The following RBBP8 variants were observed in gnomAD, a reference collection of about 807,000 sequenced individuals.
RBBP8 encodes RB binding protein 8, endonuclease.
RBBP8 carries 88 observed loss-of-function variants against 108.3 expected under a neutral mutation model. That is an observed-to-expected ratio of 0.81 (90% CI 0.68 to 0.97). The LOEUF is 0.97. Among genes scored for constraint, RBBP8 ranks in the 50% least tolerant of loss-of-function variants. The probability of loss-of-function intolerance (pLI) is 0.00; values close to 1 mark genes in which losing one functional copy is unlikely to be tolerated. For synonymous variants in RBBP8, 332 were observed against 348.2 expected (o/e 0.95, Z 0.52); for missense variants, 1,023 against 1,049.0 (o/e 0.98, Z 0.34).
rs138808616 is a variant in RBBP8, at chr18:22,943,256, C to T, written c.110-3188C>T. On this transcript the variant is annotated intron_variant, in intron 2 of 18. Transcript: ENST00000327155. ...TCTGAGACCAGCCTGGACAACAAAG[C>T]GAGACCCTGTCTCTACAAAAAACAT... is the stretch of plus-strand genomic sequence containing the variant. Among the ~76,000 whole-genome samples the T allele has an allele frequency of 3.3e-3, 495 of 150,804 alleles. 4 individuals carry two copies. Among genetic ancestry groups the T allele is most frequent in the Admixed American group, 0.019 (284 of 15,200 alleles).
chr18:22,971,927 G>A (rs1296004078), intron 5 of RBBP8, among the ~76,000 whole-genome samples: 2 of 151,006 alleles, frequency 1.3e-5, no homozygotes, highest in Non-Finnish European at 2.9e-5. Context: ...TTACCGTTGT[G>A]AGCCACCGTG....
chr18:22,983,996 G>T (rs919148523), intron 7 of RBBP8, among the ~76,000 whole-genome samples: 1 of 152,152 alleles, frequency 6.6e-6, no homozygotes, highest in Non-Finnish European at 1.5e-5. Context: ...CAGGAGACTT[G>T]CTTGAACCCT....
chr18:23,019,369 G>A (rs567086907), intron 17 of RBBP8, among the ~76,000 whole-genome samples: 114 of 152,100 alleles, frequency 7.5e-4, no homozygotes, highest in Non-Finnish European at 1.5e-3. Context: ...AATTTACCTA[G>A]GAAGGTAAAT....
At chr18:22,938,814 G>A (rs1459910896) in intron 2 of RBBP8, among the ~76,000 whole-genome samples, 1 of 152,186 alleles carries the variant, frequency 6.6e-6, no homozygotes, top group Non-Finnish European at 1.5e-5. Flanking sequence ...AAATACAAAA[G>A]TGAATGGCCA....
At chr18:22,930,767 A>G (rs1055454075), upstream of RBBP8, among the ~76,000 whole-genome samples, 2 of 152,002 alleles carry the variant, frequency 1.3e-5, no homozygotes, top group African/African-American at 4.8e-5. Context: ...AACCTTTTTT[A>G]TTTTTTATTT....
Position 22,955,607 on chromosome 18 carries a change from T to C in RBBP8, c.248+5894T>C, listed in dbSNP as rs1316432181. Among the ~76,000 whole-genome samples, 13 of 150,816 alleles carry C rather than the reference T, an allele frequency of 8.6e-5. No homozygotes were observed. The East Asian group carries it at 2.6e-3, about 30-fold the overall frequency. On this transcript the variant is annotated intron_variant, in intron 4 of 18. Coordinates refer to ENST00000327155, the MANE Select transcript of RBBP8 (RefSeq NM_002894.3). ...TTTTTTTTTTTTTTGAGACAGAGTC[T>C]TGCTCTGTCACCCAGGCTGGAGTGC...
intron 17 of RBBP8, among the ~76,000 whole-genome samples, chr18:23,019,100 A>G (rs1276495844): frequency 6.6e-6 from 1 of 152,212 alleles, no homozygotes; most frequent in Non-Finnish European, 1.5e-5. Context: ...GCAAAAGCCT[A>G]TAATGTGAGT....
chr18:22,989,230 G>T lies in RBBP8; in HGVS notation c.719G>T (p.Gly240Val). 1 of 1,605,480 alleles carries T rather than the reference G, an allele frequency of 6.2e-7. No individual in the cohort carries two copies. The highest frequency in any genetic ancestry group is 1.1e-5 in the South Asian group (1 of 90,812). ...QSQSPMAKAH[G>V]TSSYTPDKSS... ...TATTATTTATTCTTAGAAGCACATG[G>T]AACAAGCAGCTATACCCCTGATAAG... Residue 240 changes from glycine (G) to valine (V), a missense_variant, in exon 9 of 19, where the codon GGA (glycine) becomes GTA (valine). By Grantham distance (109) the Gly-to-Val change is moderately radical. Coordinates refer to ENST00000327155, the MANE Select transcript of RBBP8 (RefSeq NM_002894.3).
At chr18:22,924,337 G>A (rs965568287) in intron 3 of RBBP8, among the ~76,000 whole-genome samples, 4 of 151,938 alleles carry the variant, frequency 2.6e-5, no homozygotes, top group Non-Finnish European at 4.4e-5. Flanking sequence ...CCACGTTGAC[G>A]AGGATGGTCT....
intron 8 of RBBP8, among the ~76,000 whole-genome samples, chr18:22,985,984 A>C (rs1915299954): frequency 6.7e-6 from 1 of 149,358 alleles, no homozygotes; most frequent in Admixed American, 6.7e-5. Context: ...ATTTTTAGAC[A>C]TTTCCCCCCT....
intron 3 of RBBP8, among the ~76,000 whole-genome samples, chr18:22,921,692 T>C (rs1244142050): frequency 1.3e-5 from 2 of 152,180 alleles, no homozygotes; most frequent in South Asian, 4.1e-4. Context: ...CCTATTTTTG[T>C]CTGATGTATT....
At chr18:22,968,649 C>A (rs574423083) in intron 4 of RBBP8, among the ~76,000 whole-genome samples, 157 bp from the exon 5 acceptor site, 10 of 152,186 alleles carry the variant, frequency 6.6e-5, no homozygotes, top group African/African-American at 2.4e-4. Context: ...TGATTTCAGC[C>A]TATATAAGAA....
intron 2 of RBBP8, among the ~76,000 whole-genome samples, chr18:22,944,307 G>A (rs1396040065): frequency 6.6e-6 from 1 of 152,118 alleles, no homozygotes; most frequent in Non-Finnish European, 1.5e-5. Context: ...GTTTCCCAAG[G>A]ATTTTCTTTT....
chr18:23,012,208 CAAAAAAAAAAAA>C (rs56096515), intron 16 of RBBP8, among the ~76,000 whole-genome samples: 30 of 109,618 alleles, frequency 2.7e-4, no homozygotes, highest in African/African-American at 1.1e-3. Context: ...ATGCTGTCTC[CAAAAAAAAAAAA>C]AAAAAAAAAA....
At chr18:22,935,764 C>T (rs1910520632) in intron 1 of RBBP8, among the ~76,000 whole-genome samples, 2 of 152,180 alleles carry the variant, frequency 1.3e-5, no homozygotes. Context: ...ATTTACTAAT[C>T]CATTCAAACT....
chr18:22,984,386 T>G (rs925979441), intron 7 of RBBP8, among the ~76,000 whole-genome samples: 2 of 152,164 alleles, frequency 1.3e-5, no homozygotes, highest in African/African-American at 4.8e-5. Flanking sequence ...ATCATTTGTT[T>G]ATTGATTGAT....
chr18:22,998,523 T>A (rs2045896623), intron 14 of RBBP8, among the ~76,000 whole-genome samples: 1 of 152,218 alleles, frequency 6.6e-6, no homozygotes, highest in African/African-American at 2.4e-5. Flanking sequence ...ACAGCTAGAC[T>A]ATGAACAGTT....
At chr18:22,954,677 G>A (rs12458865) in intron 4 of RBBP8, among the ~76,000 whole-genome samples, 32,552 of 152,054 alleles carry the variant, frequency 0.21, 3,759 homozygotes, top group East Asian at 0.4. Context: ...AGCTCCACTA[G>A]ACAGTGTCCC....
intron 2 of RBBP8, among the ~76,000 whole-genome samples, chr18:22,940,475 C>T (rs1397132591): frequency 6.6e-6 from 1 of 151,662 alleles, no homozygotes. Context: ...CACCCGCCAC[C>T]ACGCCCGGCT....
Sources: gnomAD v4.1 joint callset for allele counts (sites outside exome capture counted in the v4.1 genomes callset) on GRCh38, gnomAD v4.1.1 for gene constraint, MANE v1.5 for transcripts, NCBI Gene and HGNC (gene_info 2026-07-23, HGNC 2026-07-21) for gene names.